The following ODR4 variants were observed in gnomAD, a reference collection of about 807,000 sequenced individuals.
The protein encoded by ODR4 is protein odr-4 homolog.
In ODR4, 47 loss-of-function variants were observed where a neutral mutation model predicts 60.2. The observed-to-expected ratio is 0.78, with a 90% CI of 0.62 to 1.00. ODR4 has a LOEUF of 1.00. ODR4 is among the 50% of genes least tolerant of loss of function. The probability of loss-of-function intolerance (pLI) is 0.00; values close to 1 mark genes in which losing one functional copy is unlikely to be tolerated. For missense variants in ODR4, 488 were observed against 530.8 expected (o/e 0.92, Z 0.79); for synonymous variants, 178 against 175.5 (o/e 1.01, Z -0.11).
At chr1:186,421,794 G>A (rs1156329335), downstream of ODR4, among the ~76,000 whole-genome samples, 5 of 149,746 alleles carry the variant, frequency 3.3e-5, no homozygotes, top group Non-Finnish European at 7.4e-5. Context: ...AACCAGGGAG[G>A]CGAAGGTTGC....
intron 1 of ODR4, among the ~76,000 whole-genome samples, chr1:186,378,821 A>G (rs1052850576): frequency 5.9e-5 from 9 of 152,224 alleles, no homozygotes; most frequent in Admixed American, 1.3e-4. Context: ...TTAATGTTAC[A>G]TGGAAAGTAC....
At chr1:186,389,458 A>G in intron 5 of ODR4, 130 bp from the exon 6 acceptor site, 1 of 674,950 alleles carries the variant, frequency 1.5e-6, no homozygotes, top group East Asian at 2.8e-5. Flanking sequence ...ATGTACGCAT[A>G]TCTTTAAAGT....
intron 12 of ODR4, among the ~76,000 whole-genome samples, chr1:186,416,519 A>G (rs1661571332): frequency 6.6e-6 from 1 of 152,080 alleles, no homozygotes; most frequent in South Asian, 2.1e-4. Context: ...TAAAAATACA[A>G]AAGTTAGTCG....
rs771283819 is a variant in ODR4 at position 186,379,934 on chromosome 1, T to C, written c.99+50T>C. ...ATAACTAAATAATTACTCTGTAATT[T>C]ATTTTAAAAATTACTTGTTGATTTA... is the stretch of plus-strand genomic sequence containing the variant. On this transcript the variant is annotated intron_variant, in intron 2 of 13. Transcript: ENST00000287859. 26 of 1,083,774 alleles carry C rather than the reference T, an allele frequency of 2.4e-5. 1 individual carries two copies. Among genetic ancestry groups the C allele is most frequent in the Middle Eastern group, 2.9e-4 (1 of 3,392 alleles). The allele number at this position is 1,083,774 out of a possible 1,614,324, so 67.1% of individuals were successfully genotyped here.
intron 1 of ODR4, among the ~76,000 whole-genome samples, chr1:186,377,747 C>T (rs1159865551): frequency 6.6e-6 from 1 of 152,006 alleles, no homozygotes; most frequent in Non-Finnish European, 1.5e-5. Flanking sequence ...CTATTGTTGT[C>T]AAAAAAGAGC....
In ODR4 at chr1:186,379,874, T is replaced by C; in HGVS notation, c.89T>C (p.Leu30Ser). ...GGAAAGGCTTTTGTCTCTGGCCTTT[T>C]AATAGGACAGGTATGTATCTTTTAC... Reference protein sequence around the residue: ...LQGKAFVSGLLIGQCSSQKDY... With the variant: ...LQGKAFVSGLSIGQCSSQKDY... Residue 30 changes from leucine to serine, a missense_variant, in exon 2 of 14, where the codon TTA (leucine) becomes TCA (serine). By Grantham distance (145) the Leu-to-Ser change is moderately radical. Coordinates refer to ENST00000287859, the MANE Select transcript of ODR4 (RefSeq NM_017847.6). The C allele has an allele frequency of 6.3e-7, 1 of 1,589,642 alleles. No homozygotes were observed. Among genetic ancestry groups the C allele is most frequent in the Non-Finnish European group, 8.6e-7 (1 of 1,162,434 alleles).
intron 13 of ODR4, among the ~76,000 whole-genome samples, chr1:186,418,289 C>CTT (rs35821609): frequency 2.7e-4 from 30 of 110,360 alleles, no homozygotes; most frequent in African/African-American, 6.8e-4. Flanking sequence ...TTCTTTCTTT[C>CTT]TTTTTTTTTT....
chr1:186,402,223 TTTC>T (rs1361569687), intron 11 of ODR4, among the ~76,000 whole-genome samples: 2 of 150,096 alleles, frequency 1.3e-5, no homozygotes, highest in Non-Finnish European at 3.0e-5. Flanking sequence ...TCTTTCTTTC[TTTC>T]TTTCTTTCCT....
chr1:186,431,737 C>T, the ODR4 span, among the ~76,000 whole-genome samples: 1 of 151,858 alleles, frequency 6.6e-6, no homozygotes, highest in Non-Finnish European at 1.5e-5. Flanking sequence ...GAAAGTGTAC[C>T]CTCTTTGAAG....
At chr1:186,403,129 A>G (rs557908962) in intron 11 of ODR4, among the ~76,000 whole-genome samples, 1 of 152,312 alleles carries the variant, frequency 6.6e-6, no homozygotes. Flanking sequence ...TATATATTCA[A>G]CACTTTAGTA....
chr1:186,433,515 T>C, the ODR4 span, among the ~76,000 whole-genome samples: 1 of 152,136 alleles, frequency 6.6e-6, no homozygotes, highest in African/African-American at 2.4e-5. Flanking sequence ...AAAATGTTCC[T>C]TGTGTGTTGG....
intron 4 of ODR4, 64 bp from the exon 5 acceptor site, chr1:186,388,378 A>G (rs1325943934): frequency 1.5e-5 from 14 of 912,274 alleles, no homozygotes; most frequent in Admixed American, 3.3e-5. Context: ...ATAATTGCCT[A>G]TTTCAACACT....
At chr1:186,404,111 A>T (rs1203289503) in intron 11 of ODR4, among the ~76,000 whole-genome samples, 2 of 152,180 alleles carry the variant, frequency 1.3e-5, no homozygotes, top group African/African-American at 2.4e-5. Flanking sequence ...ATAGAAACCC[A>T]ATTCTTATTA....
chr1:186,380,353 T>C (rs1659976134), intron 2 of ODR4, among the ~76,000 whole-genome samples: 1 of 152,186 alleles, frequency 6.6e-6, no homozygotes, highest in African/African-American at 2.4e-5. Flanking sequence ...AGTACCCATC[T>C]TACTGAATTT....
At chr1:186,418,809 T>C (rs1323720905) in intron 13 of ODR4, among the ~76,000 whole-genome samples, 200 bp from the exon 14 acceptor site, 1 of 152,262 alleles carries the variant, frequency 6.6e-6, no homozygotes, top group Non-Finnish European at 1.5e-5. Flanking sequence ...ATTTGAAATC[T>C]AGTTTTTCAA....
At chr1:186,394,979 A>G (rs1430554722) in intron 9 of ODR4, among the ~76,000 whole-genome samples, 1 of 152,228 alleles carries the variant, frequency 6.6e-6, no homozygotes, top group East Asian at 1.9e-4. Flanking sequence ...TTATTAAACA[A>G]TTTGGTTAAG....
intron 11 of ODR4, among the ~76,000 whole-genome samples, chr1:186,400,092 C>T (rs1434724697): frequency 3.4e-5 from 5 of 148,380 alleles, no homozygotes; most frequent in South Asian, 2.1e-4. Context: ...CCCGGGTTCA[C>T]GCCATTCTCC....
rs555005301 is a variant in ODR4, at chr1:186,416,411, G to T, written c.1187-1133G>T. ...ATTAGGCCAGGTGTGATGGCTCATGGCTATAATCCCAGCACTTTGGGAGGC... is the reference window on the plus strand; with the variant it reads ...ATTAGGCCAGGTGTGATGGCTCATGTCTATAATCCCAGCACTTTGGGAGGC... On this transcript the variant is annotated intron_variant, in intron 12 of 13. Transcript: ENST00000287859. Among the ~76,000 whole-genome samples, 282 of 151,572 alleles carry T rather than the reference G, an allele frequency of 1.9e-3. 1 individual carries two copies. The highest frequency in any genetic ancestry group is 6.4e-3 in the African/African-American group (266 of 41,322).
intron 4 of ODR4, 28 bp from the exon 5 acceptor site, chr1:186,388,414 A>G (rs1368111992): frequency 3.1e-6 from 4 of 1,290,110 alleles, no homozygotes; most frequent in Middle Eastern, 2.1e-4. Flanking sequence ...TTTTACATTC[A>G]ATTAGTGTGT....
Sources: allele counts gnomAD v4.1 joint callset (sites outside exome capture counted in the v4.1 genomes callset), GRCh38; gene constraint gnomAD v4.1.1; transcripts MANE v1.5; gene names NCBI Gene and HGNC (gene_info 2026-07-23, HGNC 2026-07-21).